Variants in ATP2A3 observed in about 807,000 individuals in gnomAD.
ATP2A3 encodes ATPase sarcoplasmic/endoplasmic reticulum Ca2+ transporting 3, also known as sarcoplasmic/endoplasmic reticulum calcium ATPase 3.
ATP2A3 carries 61 observed loss-of-function variants against 106.8 expected under a neutral mutation model. The observed-to-expected ratio is 0.57, with a 90% CI of 0.46 to 0.71. The LOEUF (loss-of-function observed/expected upper bound fraction) is 0.71. Among genes scored for constraint, ATP2A3 ranks in the 30% least tolerant of loss-of-function variants. ATP2A3 has a pLI of 0.00. For missense variants in ATP2A3, 1,201 were observed against 1,423.5 expected, an observed-to-expected ratio of 0.84 and a Z score of 2.52; for synonymous variants, 611 against 609.3, an observed-to-expected ratio of 1.00 and a Z score of -0.04.
intron 4 of ATP2A3, 33 bp downstream of exon 4, chr17:3,951,548 C>CGG: frequency 1.5e-6 from 2 of 1,334,780 alleles, no homozygotes; most frequent in Non-Finnish European, 2.1e-6. Flanking sequence ...GGGAGACCGC[C>CGG]CCCCGCCCGG....
rs990640988 is a variant in ATP2A3 at position 3,925,102 on chromosome 17, T to C, written c.*320A>G. The C allele has an allele frequency of 1.8e-6, 1 of 548,354 alleles. No individual in the cohort carries two copies. Among genetic ancestry groups the C allele is most frequent in the Non-Finnish European group, 3.3e-6 (1 of 304,562 alleles). The allele number at this position is 548,354 out of a possible 1,614,324, so 34.0% of individuals were successfully genotyped here. On this transcript the variant is annotated 3_prime_UTR_variant, in exon 21 of 21. Transcript: ENST00000397041. The surrounding 1 kb of genome is among the most constrained non-coding windows in gnomAD (Gnocchi z 4.2). ...GATTTGGGGGTGGGGGGGCCCCGGATCTCTGGGTATGCTGCCAGCTCCGGC... is the reference window on the plus strand; with the variant it reads ...GATTTGGGGGTGGGGGGGCCCCGGACCTCTGGGTATGCTGCCAGCTCCGGC...
chr17:3,947,600 A>G lies in ATP2A3; in HGVS notation c.886T>C (p.Phe296Leu). The change falls in exon 8 of 21, where the codon TTC (phenylalanine) becomes CTC (leucine). Residue 296 changes from phenylalanine (F) to leucine (L), a missense_variant. Phe to Leu is a conservative substitution (Grantham distance 22). This residue lies in a region of ATP2A3 where 935 missense variants were observed against 1,176.7 expected (regional missense o/e 0.79). Transcript: ENST00000397041. The surrounding 1 kb of genome is among the most constrained non-coding windows in gnomAD (Gnocchi z 7.7). Reference sequence around the variant, plus strand: ...ACCGCCAGGGCCACGGCGATCTTGAAGTAGTAGACAGCGCCACGCAGCCAG... The same window carrying G: ...ACCGCCAGGGCCACGGCGATCTTGAGGTAGTAGACAGCGCCACGCAGCCAG... ...GSWLRGAVYY[F>L]KIAVALAVAA... The G allele has an allele frequency of 4.3e-6, 7 of 1,612,618 alleles. No homozygotes were observed. The highest frequency in any genetic ancestry group is 5.9e-6 in the Non-Finnish European group (7 of 1,179,912).
At chr17:3,954,006 C>T (rs1246318820) in intron 1 of ATP2A3, among the ~76,000 whole-genome samples, 5 of 152,256 alleles carry the variant, frequency 3.3e-5, no homozygotes, top group African/African-American at 1.2e-4. Flanking sequence ...CAGCCCCTCC[C>T]TGCCCCACTT....
chr17:3,953,712 T>C lies in ATP2A3; in HGVS notation c.119-2A>G. The C allele has an allele frequency of 6.4e-7, 1 of 1,570,558 alleles. No homozygotes were observed. The highest frequency in any genetic ancestry group is 8.6e-7 in the Non-Finnish European group (1 of 1,157,688). On this transcript the variant is annotated splice_acceptor_variant, in intron 1 of 20. Coordinates refer to ENST00000397041, the MANE Select transcript of ATP2A3 (RefSeq NM_005173.4). LOFTEE classifies it high-confidence loss of function. This position sits in a 1 kb window ranked among gnomAD's most constrained non-coding sequence, Gnocchi z 5.1. ...CCTCACCTTCCTCACTCGGGAGCTC[T>C]GCAGGATCCAGGCAGCCACGGGAGC...
At chr17:3,932,398 C>T (rs1220611755) in intron 17 of ATP2A3, among the ~76,000 whole-genome samples, 1 of 152,016 alleles carries the variant, frequency 6.6e-6, no homozygotes, top group Middle Eastern at 3.4e-3. Flanking sequence ...CCCGCCTCGG[C>T]CTCCCAAAGT....
In ATP2A3 at chr17:3,946,274, G is replaced by A. The variant is rs138797790; in HGVS notation, c.1095+1117C>T. 1.3e-3 allele frequency among the ~76,000 whole-genome samples: 199 copies of A among 151,320 alleles called. 3 individuals carry two copies. The East Asian group carries it at 0.03, about 23-fold the overall frequency. ...AAAAAAAAAAAAATTTATTAGGGCC[G>A]GGCACGGTGGCTCAGGGCTGAAATC... On this transcript the variant is annotated intron_variant, in intron 8 of 20. Coordinates refer to ENST00000397041, the MANE Select transcript of ATP2A3 (RefSeq NM_005173.4).
chr17:3,935,176 G>A lies in ATP2A3; in HGVS notation c.2610+16C>T, dbSNP rs1304429650. ...AGCTGTAAGTTCAACAGGCTCCCTGGCCAGCCCTTGCTCACCAGCTGGTAG... is the reference window on the plus strand; with the variant it reads ...AGCTGTAAGTTCAACAGGCTCCCTGACCAGCCCTTGCTCACCAGCTGGTAG... On this transcript the variant is annotated intron_variant, in intron 17 of 20. Coordinates refer to ENST00000397041, the MANE Select transcript of ATP2A3 (RefSeq NM_005173.4). 1.9e-6 allele frequency: 3 copies of A among 1,613,586 alleles called. No individual in the cohort carries two copies. The highest frequency in any genetic ancestry group is 2.5e-6 in the Non-Finnish European group (3 of 1,179,754).
Position 3,964,304 on chromosome 17 carries a change from G to C in ATP2A3, c.-13C>G. On this transcript the variant is annotated 5_prime_UTR_variant, in exon 1 of 21. Transcript: ENST00000397041. ...GCGCCGCCTCCATGCCGCCCGCCCGGCCGTCTGCGCCGTCCGCACCGTCGA... is the reference window on the plus strand; with the variant it reads ...GCGCCGCCTCCATGCCGCCCGCCCGCCCGTCTGCGCCGTCCGCACCGTCGA... 1 of 1,225,608 alleles carries C rather than the reference G, an allele frequency of 8.2e-7. No homozygotes were observed. Among genetic ancestry groups the C allele is most frequent in the South Asian group, 1.9e-5 (1 of 53,022 alleles). The allele number at this position is 1,225,608 out of a possible 1,614,324, so 75.9% of individuals were successfully genotyped here.
chr17:3,945,238 C>G, intron 8 of ATP2A3, 90 bp from the exon 9 acceptor site: 2 of 1,301,410 alleles, frequency 1.5e-6, no homozygotes, highest in Admixed American at 2.3e-5. Context: ...TCCTGCAGGC[C>G]CCCTGCCCGA....
rs767473115 is a variant in ATP2A3 at position 3,928,255 on chromosome 17, G to A, written c.2980+408C>T. On this transcript the variant is annotated intron_variant, in intron 20 of 20. Coordinates refer to ENST00000397041, the MANE Select transcript of ATP2A3 (RefSeq NM_005173.4). This position sits in a 1 kb window ranked among gnomAD's most constrained non-coding sequence, Gnocchi z 6.1. Reference sequence around the variant, plus strand: ...AGAGGCCAACCCGGTGTGGTCTGGGGTCCAAGAGGTGGTCAGCGGCTGCCT... The same window carrying A: ...AGAGGCCAACCCGGTGTGGTCTGGGATCCAAGAGGTGGTCAGCGGCTGCCT... 1 of 1,613,470 alleles carries A rather than the reference G, an allele frequency of 6.2e-7. No homozygotes were observed. Among genetic ancestry groups the A allele is most frequent in the South Asian group, 1.1e-5 (1 of 91,094 alleles).
chr17:3,955,955 T>C lies in ATP2A3; in HGVS notation c.119-2245A>G, dbSNP rs1022675192. Among the ~76,000 whole-genome samples, 4 of 152,028 alleles carry C rather than the reference T, an allele frequency of 2.6e-5. No individual in the cohort carries two copies. The highest frequency in any genetic ancestry group is 6.6e-5 in the Admixed American group (1 of 15,254). On this transcript the variant is annotated intron_variant, in intron 1 of 20. Coordinates refer to ENST00000397041, the MANE Select transcript of ATP2A3 (RefSeq NM_005173.4). This position sits in a 1 kb window ranked among gnomAD's most constrained non-coding sequence, Gnocchi z 4.2. ...GGAGCGCAGTGGCGGGATCTTGGCT[T>C]ACTGCAACCTCCGCCTCCCAGGTTC...
chr17:3,961,300 G>GC (rs748207882), intron 1 of ATP2A3, among the ~76,000 whole-genome samples: 59 of 152,306 alleles, frequency 3.9e-4, no homozygotes, highest in Middle Eastern at 6.8e-3. Flanking sequence ...ACAAGTAAAA[G>GC]CCCCCCAAGG....
In ATP2A3 at chr17:3,964,333, C is replaced by A; in HGVS notation, c.-42G>T. On this transcript the variant is annotated 5_prime_UTR_variant, in exon 1 of 21. Transcript: ENST00000397041. ...TCTGCGCCGTCCGCACCGTCGAGGC[C>A]GCCTCTCCGCCGGGGGGCTACAAAG... 9.2e-7 allele frequency: 1 copy of A among 1,088,660 alleles called. No homozygotes were observed. Among genetic ancestry groups the A allele is most frequent in the South Asian group, 3.1e-5 (1 of 32,742 alleles). The allele number at this position is 1,088,660 out of a possible 1,614,324, so 67.4% of individuals were successfully genotyped here. A position where few individuals can be genotyped will look rare whatever the true frequency, so the allele number is the denominator to read the frequency against.
At position 3,928,929 on chromosome 17, in the gene ATP2A3, C is replaced by T. The variant is rs2052878786; in HGVS notation, c.2863-149G>A. On this transcript the variant is annotated intron_variant, in intron 19 of 20. Coordinates refer to ENST00000397041, the MANE Select transcript of ATP2A3 (RefSeq NM_005173.4). The surrounding 1 kb of genome is among the most constrained non-coding windows in gnomAD (Gnocchi z 6.1). ...TGGATGCACCCCCGATCTTTGTCCACTCAGCTGCACCCCCCGATCTTTGTC... is the reference window on the plus strand; with the variant it reads ...TGGATGCACCCCCGATCTTTGTCCATTCAGCTGCACCCCCCGATCTTTGTC... The T allele has an allele frequency of 1.6e-6, 1 of 639,408 alleles. No individual in the cohort carries two copies. Among genetic ancestry groups the T allele is most frequent in the Non-Finnish European group, 2.8e-6 (1 of 363,304 alleles). The allele number at this position is 639,408 out of a possible 1,614,324, so 39.6% of individuals were successfully genotyped here.
chr17:3,944,679 G>A (rs1289850953), intron 10 of ATP2A3, 25 bp downstream of exon 10: 1 of 1,606,908 alleles, frequency 6.2e-7, no homozygotes, highest in Admixed American at 1.7e-5. Context: ...ATACTAGGGA[G>A]GTCATGAAAG....
In ATP2A3 at chr17:3,928,792, G is replaced by T; in HGVS notation, c.2863-12C>A. ...ACCTGGAAAATGAGCTGGCGGGGAG[G>T]GGAAGGGAGGTTTGGTTAAAGGAAG... On this transcript the variant is annotated splice_polypyrimidine_tract_variant and intron_variant, in intron 19 of 20. Coordinates refer to ENST00000397041, the MANE Select transcript of ATP2A3 (RefSeq NM_005173.4). The surrounding 1 kb of genome is among the most constrained non-coding windows in gnomAD (Gnocchi z 6.1). 1 of 1,549,210 alleles carries T rather than the reference G, an allele frequency of 6.5e-7. No homozygotes were observed. Among genetic ancestry groups the T allele is most frequent in the Non-Finnish European group, 8.7e-7 (1 of 1,144,470 alleles).
Position 3,953,451 on chromosome 17 carries a change from G to A in ATP2A3, c.137-22C>T. On this transcript the variant is annotated intron_variant, in intron 2 of 20. Transcript: ENST00000397041. The surrounding 1 kb of genome is among the most constrained non-coding windows in gnomAD (Gnocchi z 5.1). ...TTCCCTGGGAACGGGGGTCATGTGTGAGGCTGGGCCCCCACCACTGACCCT... is the reference window on the plus strand; with the variant it reads ...TTCCCTGGGAACGGGGGTCATGTGTAAGGCTGGGCCCCCACCACTGACCCT... The A allele has an allele frequency of 6.2e-7, 1 of 1,612,314 alleles. No homozygotes were observed. The highest frequency in any genetic ancestry group is 8.5e-7 in the Non-Finnish European group (1 of 1,178,694).
chr17:3,951,429 C>A, intron 4 of ATP2A3, 40 bp from the exon 5 acceptor site: 1 of 1,612,390 alleles, frequency 6.2e-7, no homozygotes, highest in Non-Finnish European at 8.5e-7. Context: ...GTCCCTGCTG[C>A]CCCCCGCAGA....
Position 3,944,704 on chromosome 17 carries a change from C to G in ATP2A3, c.1287G>C (p.Glu429Asp). Residue 429 changes from glutamate (E) to aspartate (D), a missense_variant and splice_region_variant, in exon 10 of 21, where the codon GAG becomes GAC. Glu to Asp is a conservative substitution (Grantham distance 45, BLOSUM62 2). Coordinates refer to ENST00000397041, the MANE Select transcript of ATP2A3 (RefSeq NM_005173.4). ...LCNDSALDYNEAKGVYEKVGE... is the reference protein window; with the variant it reads ...LCNDSALDYNDAKGVYEKVGE... ...GGTCATGAAAGGGGGTGAGGCCCAC[C>G]TCGTTGTAGTCCAGAGCCGAGTCGT... 1.2e-6 allele frequency: 2 copies of G among 1,612,834 alleles called. No homozygotes were observed. Among genetic ancestry groups the G allele is most frequent in the East Asian group, 2.2e-5 (1 of 44,858 alleles).
Sources: allele counts gnomAD v4.1 joint callset (sites outside exome capture counted in the v4.1 genomes callset), GRCh38; gene constraint gnomAD v4.1.1; regional missense constraint gnomAD v4.1.1; non-coding constraint Gnocchi (gnomAD v3.1); transcripts MANE v1.5; gene names NCBI Gene and HGNC (gene_info 2026-07-23, HGNC 2026-07-21).